Variants in GLRB observed in about 807,000 individuals in gnomAD.
GLRB encodes the protein glycine receptor subunit beta.
A neutral mutation model predicts 54.2 loss-of-function variants in GLRB; 33 were observed. That is an observed-to-expected ratio of 0.61 (90% confidence interval 0.46 to 0.81). The LOEUF (loss-of-function observed/expected upper bound fraction) is 0.81. Among genes scored for constraint, GLRB ranks in the 40% least tolerant of loss-of-function variants. The pLI is 0.00. For synonymous variants in GLRB, 209 were observed against 208.2 expected, an observed-to-expected ratio of 1.00 and a Z score of -0.03; for missense variants, 572 against 584.6, an observed-to-expected ratio of 0.98 and a Z score of 0.22.
intron 9 of GLRB, among the ~76,000 whole-genome samples, chr4:157,160,961 G>A (rs914573828): frequency 6.6e-6 from 1 of 152,132 alleles, no homozygotes. Context: ...TATTATGTGG[G>A]AGTCTAAGTC....
chr4:157,105,395 T>C (rs2126492404), intron 2 of GLRB, among the ~76,000 whole-genome samples: 1 of 152,254 alleles, frequency 6.6e-6, no homozygotes, highest in African/African-American at 2.4e-5. Flanking sequence ...CTTTATGTAA[T>C]TTCAATCTTC....
chr4:157,120,467 A>G (rs1407325155), intron 2 of GLRB, 89 bp from the exon 3 acceptor site: 7 of 602,974 alleles, frequency 1.2e-5, no homozygotes, highest in African/African-American at 3.7e-5. Flanking sequence ...ATTTGTCTCA[A>G]AAAGGCAGTC....
In GLRB at chr4:157,080,078, C is replaced by T. The variant is rs146945884; in HGVS notation, c.122+1932C>T. Reference sequence around the variant, plus strand: ...TATATTACGAGAGTATTTTAGAGGACATTCTCTTTTCACAACTACATTATT... The same window carrying T: ...TATATTACGAGAGTATTTTAGAGGATATTCTCTTTTCACAACTACATTATT... On this transcript the variant is annotated intron_variant, in intron 2 of 9. Coordinates refer to ENST00000264428, the MANE Select transcript of GLRB (RefSeq NM_000824.5). Among the ~76,000 whole-genome samples the T allele has an allele frequency of 4.7e-3, 713 of 152,182 alleles. 7 individuals carry two copies. Among genetic ancestry groups the T allele is most frequent in the African/African-American group, 0.016 (668 of 41,528 alleles).
chr4:157,153,981 G>C (rs1737127491), intron 9 of GLRB, among the ~76,000 whole-genome samples: 1 of 152,156 alleles, frequency 6.6e-6, no homozygotes, highest in South Asian at 2.1e-4. Flanking sequence ...ATGCTTGTAT[G>C]GTGCTGCCTG....
chr4:157,097,652 G>A (rs933693886), intron 2 of GLRB, among the ~76,000 whole-genome samples: 2 of 152,118 alleles, frequency 1.3e-5, no homozygotes, highest in South Asian at 4.1e-4. Flanking sequence ...AATCTTAATG[G>A]TATGGTTAAT....
chr4:157,090,718 A>T (rs72978489), intron 2 of GLRB, among the ~76,000 whole-genome samples: 8,565 of 152,240 alleles, frequency 0.056, 256 homozygotes, highest in African/African-American at 0.078. Context: ...TTATAACATC[A>T]TTTGGAAAAT....
chr4:157,119,191 T>C (rs1735712637), intron 2 of GLRB, among the ~76,000 whole-genome samples: 2 of 151,798 alleles, frequency 1.3e-5, no homozygotes, highest in East Asian at 2.0e-4. Context: ...TAGGTAGTTA[T>C]CTCTTATAGT....
intron 8 of GLRB, among the ~76,000 whole-genome samples, chr4:157,150,631 GA>G (rs1736987409): frequency 6.6e-6 from 1 of 151,994 alleles, no homozygotes; most frequent in Admixed American, 6.6e-5. Flanking sequence ...GCTGTGTCAT[GA>G]TCATCGGTTC....
chr4:157,093,873 A>G (rs551066208), intron 2 of GLRB, among the ~76,000 whole-genome samples: 22 of 152,246 alleles, frequency 1.4e-4, no homozygotes, highest in Admixed American at 8.5e-4. Context: ...AACCACCGTG[A>G]AAAATTTAGA....
At chr4:157,111,220 G>C (rs1451501936) in intron 2 of GLRB, among the ~76,000 whole-genome samples, 4 of 152,038 alleles carry the variant, frequency 2.6e-5, no homozygotes, top group Admixed American at 2.0e-4. Flanking sequence ...TCAGGGAGAA[G>C]CTGGGAGCTA....
At chr4:157,101,797 GT>G (rs77992858) in intron 2 of GLRB, among the ~76,000 whole-genome samples, 978 of 37,988 alleles carry the variant, frequency 0.026, 7 homozygotes, top group East Asian at 0.17. Flanking sequence ...AGTCAAACTT[GT>G]TTTTTTTTTT....
intron 6 of GLRB, among the ~76,000 whole-genome samples, chr4:157,138,501 G>A (rs565994565): frequency 6.6e-6 from 1 of 152,084 alleles, no homozygotes; most frequent in Admixed American, 6.6e-5. Flanking sequence ...GCTTTTTATT[G>A]ATGACCATTA....
chr4:157,109,838 T>A (rs547528096), intron 2 of GLRB, among the ~76,000 whole-genome samples: 1 of 152,100 alleles, frequency 6.6e-6, no homozygotes, highest in South Asian at 2.1e-4. Context: ...AGGATATAGG[T>A]GATCAGGCAA....
At chr4:157,079,813 T>G (rs1389651265) in intron 2 of GLRB, among the ~76,000 whole-genome samples, 1 of 152,216 alleles carries the variant, frequency 6.6e-6, no homozygotes, top group Non-Finnish European at 1.5e-5. Context: ...CACTTCTTTG[T>G]GTTTTAGATA....
intron 8 of GLRB, among the ~76,000 whole-genome samples, chr4:157,151,758 T>C (rs1250174285): frequency 3.9e-5 from 6 of 152,094 alleles, no homozygotes; most frequent in Admixed American, 3.9e-4. Context: ...ATTATGGTGA[T>C]ATATATACAT....
chr4:157,133,763 TTC>T (rs1237726781), intron 4 of GLRB, among the ~76,000 whole-genome samples: 2 of 152,004 alleles, frequency 1.3e-5, no homozygotes, highest in East Asian at 3.9e-4. Flanking sequence ...GGAAAGCTGC[TTC>T]TGCTGATTAA....
chr4:157,153,059 G>T (rs766077106), intron 9 of GLRB, 49 bp downstream of exon 9: 5 of 1,465,732 alleles, frequency 3.4e-6, no homozygotes, highest in Non-Finnish European at 2.9e-6. Context: ...CCACTTCATA[G>T]TGTCAAGAGA....
chr4:157,126,068 A>G (rs1484552287), intron 4 of GLRB, among the ~76,000 whole-genome samples: 1 of 151,902 alleles, frequency 6.6e-6, no homozygotes, highest in Non-Finnish European at 1.5e-5. Context: ...GTCAGGTGTC[A>G]GAAAGATGGA....
At chr4:157,086,043 T>C (rs1160840327) in intron 2 of GLRB, among the ~76,000 whole-genome samples, 1 of 152,142 alleles carries the variant, frequency 6.6e-6, no homozygotes, top group African/African-American at 2.4e-5. Context: ...CATAGCTCAT[T>C]GCAACCTCAA....
Sources: gnomAD v4.1 joint callset for allele counts (sites outside exome capture counted in the v4.1 genomes callset) on GRCh38, gnomAD v4.1.1 for gene constraint, MANE v1.5 for transcripts, NCBI Gene and HGNC (gene_info 2026-07-23, HGNC 2026-07-21) for gene names.